AQP2: variants seen among roughly 807,000 people sequenced by gnomAD.
AQP2 encodes the protein aquaporin 2.
In AQP2, 20 loss-of-function variants were observed where a neutral mutation model predicts 21.6. That is an observed-to-expected ratio of 0.92 (90% confidence interval 0.65 to 1.34). The LOEUF is 1.34. Among genes scored for constraint, AQP2 ranks in the 40% most tolerant of loss-of-function variants. The pLI is 0.00. For missense variants in AQP2, 325 were observed against 363.4 expected (o/e 0.89, Z 0.86); for synonymous variants, 168 against 166.9 (o/e 1.01, Z -0.05).
At position 49,950,998 on chromosome 12, in the gene AQP2, A is replaced by G. The variant is rs982837638; in HGVS notation, c.168A>G (p.Val56=). 6.2e-7 allele frequency: 1 copy of G among 1,614,128 alleles called. No homozygotes were observed. ...TTGGCTTGGGTATTGGCACCCTGGT[A>G]CAGGCTCTGGGCCACATAAGCGGGG... ...MAFGLGIGTL[V]QALGHISGAH... Residue 56 remains valine (V), a synonymous_variant, in exon 1 of 4, where the codon GTA becomes GTG. Coordinates refer to ENST00000199280, the MANE Select transcript of AQP2 (RefSeq NM_000486.6).
intron 1 of AQP2, chr12:49,951,939 C>T (rs775407860): frequency 1.3e-5 from 2 of 152,366 alleles, no homozygotes; most frequent in Admixed American, 6.5e-5. Context: ...CATCCTAAGC[C>T]AGGACAGTGA....
chr12:49,954,043 C>T (rs1323307372), intron 1 of AQP2, 112 bp from the exon 2 acceptor site: 10 of 1,458,042 alleles, frequency 6.9e-6, no homozygotes, highest in African/African-American at 1.4e-5. Context: ...CCAGGTGTTC[C>T]GGCTCCCAGC....
At position 49,954,301 on chromosome 12, in the gene AQP2, C is replaced by T; in HGVS notation, c.507C>T (p.Ala169=). ...TPALSIGFSV[A]LGHLLGIHYT... is the part of the protein sequence containing the mutation. The stretch of plus-strand genomic sequence containing the variant: ...CTCTCTCCATAGGCTTCTCTGTGGC[C>T]CTGGGCCACCTCCTTGGGGTAGGTC... The change falls in exon 2 of 4, where the codon GCC becomes GCT. Residue 169 remains alanine, a synonymous_variant. Coordinates refer to ENST00000199280, the MANE Select transcript of AQP2 (RefSeq NM_000486.6). 1 of 1,609,198 alleles carries T rather than the reference C, an allele frequency of 6.2e-7. No individual in the cohort carries two copies. Among genetic ancestry groups the T allele is most frequent in the Non-Finnish European group, 8.5e-7 (1 of 1,179,738 alleles).
At position 49,954,225 on chromosome 12, in the gene AQP2, G is replaced by C; in HGVS notation, c.431G>C (p.Cys144Ser). The change falls in exon 2 of 4, where the codon TGC becomes TCC. Residue 144 changes from cysteine to serine, a missense_variant. Coordinates refer to ENST00000199280, the MANE Select transcript of AQP2 (RefSeq NM_000486.6). ...ELFLTLQLVL[C>S]IFASTDERRG... ...TTCCTGACACTGCAGCTGGTGCTCT[G>C]CATCTTCGCCTCCACCGATGAGCGC... 6.2e-7 allele frequency: 1 copy of C among 1,604,680 alleles called. No homozygotes were observed. The highest frequency in any genetic ancestry group is 8.5e-7 in the Non-Finnish European group (1 of 1,179,976).
chr12:49,952,373 GC>G (rs1382497856), intron 1 of AQP2, among the ~76,000 whole-genome samples: 1 of 152,114 alleles, frequency 6.6e-6, no homozygotes, highest in East Asian at 1.9e-4. Context: ...CTCCCAAAGT[GC>G]TGGAATTACA....
At chr12:49,953,301 C>T (rs978150876) in intron 1 of AQP2, among the ~76,000 whole-genome samples, 1 of 152,218 alleles carries the variant, frequency 6.6e-6, no homozygotes, top group Admixed American at 6.5e-5. Context: ...TGAGAGCTGT[C>T]ACTGTTCCAC....
chr12:49,955,482 G>C lies in AQP2; in HGVS notation c.690G>C (p.Leu230=), dbSNP rs774195261. The C allele has an allele frequency of 5.0e-6, 8 of 1,612,766 alleles. No individual in the cohort carries two copies. Among genetic ancestry groups the C allele is most frequent in the African/African-American group, 1.3e-5 (1 of 74,926 alleles). Residue 230 remains leucine, a synonymous_variant, in exon 4 of 4, where the codon CTG becomes CTC. Coordinates refer to ENST00000199280, the MANE Select transcript of AQP2 (RefSeq NM_000486.6). ...NYVLFPPAKS[L]SERLAVLKGL... is the part of the protein sequence containing the mutation. ...TGCTGTTTCCGCCAGCCAAGAGCCT[G>C]TCGGAGCGCCTGGCAGTGCTGAAGG...
rs1217922631 is a variant in AQP2, at chr12:49,954,662, C to A, written c.558C>A (p.Ala186=). Residue 186 remains alanine (A), a synonymous_variant, in exon 3 of 4, where the codon GCC becomes GCA. Coordinates refer to ENST00000199280, the MANE Select transcript of AQP2 (RefSeq NM_000486.6). ...IHYTGCSMNP[A]RSLAPAVVTG... ...ACACCGGCTGCTCTATGAATCCTGCCCGCTCCCTGGCTCCAGCTGTCGTCA... is the reference window on the plus strand; with the variant it reads ...ACACCGGCTGCTCTATGAATCCTGCACGCTCCCTGGCTCCAGCTGTCGTCA... 1 of 1,614,212 alleles carries A rather than the reference C, an allele frequency of 6.2e-7. No individual in the cohort carries two copies. Among genetic ancestry groups the A allele is most frequent in the Admixed American group, 1.7e-5 (1 of 60,038 alleles).
chr12:49,955,671 C>G lies in AQP2; in HGVS notation c.*63C>G. 1 of 1,506,798 alleles carries G rather than the reference C, an allele frequency of 6.6e-7. No individual in the cohort carries two copies. 93.3% of individuals were successfully genotyped at this position (1,506,798 alleles called of 1,614,324 possible). On this transcript the variant is annotated 3_prime_UTR_variant, in exon 4 of 4. Coordinates refer to ENST00000199280, the MANE Select transcript of AQP2 (RefSeq NM_000486.6). ...GTGAGGCCCGAGGCAGAAGGGCCCA[C>G]CCCGTCCCTCCTCTCCCGCAGGTCT...
At position 49,957,339 on chromosome 12, in the gene AQP2, C is replaced by T. The variant is rs920670564; in HGVS notation, c.*1731C>T. The T allele has an allele frequency of 6.6e-6, 1 of 152,312 alleles. No homozygotes were observed. The highest frequency in any genetic ancestry group is 2.4e-5 in the African/African-American group (1 of 41,436). The allele number at this position is 152,312 out of a possible 1,614,324, so 9.4% of individuals were successfully genotyped here. A position where few individuals can be genotyped will look rare whatever the true frequency, so the allele number is the denominator to read the frequency against. On this transcript the variant is annotated 3_prime_UTR_variant, in exon 4 of 4. Transcript: ENST00000199280. ...CTCCTACCACCCAGCCCTATCCATT[C>T]TCTCCTTCCCTCTCCAGCCTGCTGT...
Position 49,954,285 on chromosome 12 carries a change from T to C in AQP2, c.491T>C (p.Ile164Thr), listed in dbSNP as rs1218059646. ...GENPGTPALS[I>T]GFSVALGHLL... ...AACCCGGGCACCCCTGCTCTCTCCA[T>C]AGGCTTCTCTGTGGCCCTGGGCCAC... Residue 164 changes from isoleucine to threonine, a missense_variant, in exon 2 of 4, where the codon ATA (isoleucine) becomes ACA (threonine). Ile to Thr is a moderately conservative substitution (Grantham distance 89). Coordinates refer to ENST00000199280, the MANE Select transcript of AQP2 (RefSeq NM_000486.6). The C allele has an allele frequency of 1.9e-6, 3 of 1,609,554 alleles. No homozygotes were observed. Among genetic ancestry groups the C allele is most frequent in the Admixed American group, 1.7e-5 (1 of 59,992 alleles).
At chr12:49,952,272 C>G (rs1230825378) in intron 1 of AQP2, among the ~76,000 whole-genome samples, 1 of 152,108 alleles carries the variant, frequency 6.6e-6, no homozygotes, top group Non-Finnish European at 1.5e-5. Context: ...GTAATCCCAG[C>G]TAATTTTTGT....
intron 3 of AQP2, 90 bp from the exon 4 acceptor site, chr12:49,955,309 G>A: frequency 7.8e-7 from 1 of 1,283,434 alleles, no homozygotes; most frequent in South Asian, 1.4e-5. Flanking sequence ...GGGAGGAGAG[G>A]TGCGGCCGCA....
chr12:49,955,628 C>T lies in AQP2; in HGVS notation c.*20C>T. On this transcript the variant is annotated 3_prime_UTR_variant, in exon 4 of 4. Transcript: ENST00000199280. ...GCCTGAGGGCCGCCAGCGGCCTCTA[C>T]GGCCCCGACGGACGCTTGTGAGGCC... 3.9e-6 allele frequency: 6 copies of T among 1,539,848 alleles called. No individual in the cohort carries two copies. The South Asian group carries it at 7.1e-5, about 18-fold the overall frequency.
chr12:49,954,809 C>A, intron 3 of AQP2, 99 bp downstream of exon 3: 1 of 1,367,434 alleles, frequency 7.3e-7, no homozygotes, highest in Non-Finnish European at 1.0e-6. Flanking sequence ...AGCAGCGGTA[C>A]CCCAAACCCT....
rs141894535 is a variant in AQP2, at chr12:49,958,524, C to T, written c.*2916C>T. Reference sequence around the variant, plus strand: ...CAAAGAATGTGGGGCTGGTTTCTGCCCTTTAAGAGCACCCGGTCAGTCAGA... The same window carrying T: ...CAAAGAATGTGGGGCTGGTTTCTGCTCTTTAAGAGCACCCGGTCAGTCAGA... On this transcript the variant is annotated 3_prime_UTR_variant, in exon 4 of 4. Transcript: ENST00000199280. 6.6e-6 allele frequency: 1 copy of T among 152,408 alleles called. No individual in the cohort carries two copies. The highest frequency in any genetic ancestry group is 1.9e-4 in the East Asian group (1 of 5,176). The allele number at this position is 152,408 out of a possible 1,614,324, so 9.4% of individuals were successfully genotyped here.
chr12:49,951,294 T>A, intron 1 of AQP2, 104 bp downstream of exon 1: 1 of 1,434,450 alleles, frequency 7.0e-7, no homozygotes, highest in Non-Finnish European at 9.3e-7. Context: ...GGGAGAGAGA[T>A]GGAGACAGAG....
rs1947359809 is a variant in AQP2 at position 49,955,392 on chromosome 12, C to T, written c.607-7C>T. 1.9e-6 allele frequency: 3 copies of T among 1,611,248 alleles called. No homozygotes were observed. The highest frequency in any genetic ancestry group is 4.5e-5 in the East Asian group (2 of 44,458). On this transcript the variant is annotated splice_region_variant and splice_polypyrimidine_tract_variant and intron_variant, in intron 3 of 3. Coordinates refer to ENST00000199280, the MANE Select transcript of AQP2 (RefSeq NM_000486.6). The stretch of plus-strand genomic sequence containing the variant: ...GGTGCCAAGCCGCCCTCTCCGCTCG[C>T]CCCCAGGTCTTCTGGATCGGACCCC...
In AQP2 at chr12:49,954,292, C is replaced by T; in HGVS notation, c.498C>T (p.Phe166=). ...NPGTPALSIG[F]SVALGHLLGI... is the part of the protein sequence containing the mutation. ...GCACCCCTGCTCTCTCCATAGGCTT[C>T]TCTGTGGCCCTGGGCCACCTCCTTG... The change falls in exon 2 of 4, where the codon TTC becomes TTT. Residue 166 remains phenylalanine, a synonymous_variant. Transcript: ENST00000199280. 6.2e-7 allele frequency: 1 copy of T among 1,609,826 alleles called. No individual in the cohort carries two copies. The highest frequency in any genetic ancestry group is 8.5e-7 in the Non-Finnish European group (1 of 1,179,898).
Sources: gnomAD v4.1 joint callset for allele counts (sites outside exome capture counted in the v4.1 genomes callset) on GRCh38, gnomAD v4.1.1 for gene constraint, MANE v1.5 for transcripts, NCBI Gene and HGNC (gene_info 2026-07-23, HGNC 2026-07-21) for gene names.